KHDRBS3: variants seen among roughly 807,000 people sequenced by gnomAD.
KHDRBS3 encodes the protein KH RNA binding domain containing, signal transduction associated 3.
KHDRBS3 carries 23 observed loss-of-function variants against 45.6 expected under a neutral mutation model. The ratio of observed to expected loss-of-function variants is 0.50; its 90% confidence interval spans 0.36 to 0.72. The LOEUF is 0.72. KHDRBS3 is among the 30% of genes least tolerant of loss of function. The probability of loss-of-function intolerance (pLI) is 0.00; values close to 1 mark genes in which losing one functional copy is unlikely to be tolerated. For missense variants in KHDRBS3, 352 were observed against 424.8 expected, an observed-to-expected ratio of 0.83 and a Z score of 1.51; for synonymous variants, 162 against 156.5, an observed-to-expected ratio of 1.04 and a Z score of -0.26.
intron 7 of KHDRBS3, among the ~76,000 whole-genome samples, chr8:135,637,186 C>G (rs1181062585): frequency 6.6e-6 from 1 of 152,160 alleles, no homozygotes; most frequent in Non-Finnish European, 1.5e-5. Context: ...TGAAAGCAGA[C>G]TGGAAATTTT....
chr8:135,599,304 A>G (rs1283694205), intron 6 of KHDRBS3, among the ~76,000 whole-genome samples: 1 of 152,244 alleles, frequency 6.6e-6, no homozygotes, highest in Admixed American at 6.5e-5. Flanking sequence ...ATTTATGTTT[A>G]TAATAACTAA....
intron 1 of KHDRBS3, among the ~76,000 whole-genome samples, chr8:135,474,963 G>A (rs973860445): frequency 1.3e-5 from 2 of 152,192 alleles, no homozygotes; most frequent in African/African-American, 2.4e-5. Flanking sequence ...TCCTCGGCTT[G>A]TGGCCCCTTC....
Position 135,553,583 on chromosome 8 carries a change from C to G in KHDRBS3, c.472-3865C>G, listed in dbSNP as rs141094667. ...AGGTTACTTCTTATAGATCACAATA[C>G]AAACAGTGATCCTAGGATTAACCTT... On this transcript the variant is annotated intron_variant, in intron 4 of 8. Coordinates refer to ENST00000355849, the MANE Select transcript of KHDRBS3 (RefSeq NM_006558.3). Among the ~76,000 whole-genome samples, 24 of 152,268 alleles carry G rather than the reference C, an allele frequency of 1.6e-4. 1 individual carries two copies. The highest frequency in any genetic ancestry group is 1.2e-3 in the South Asian group (6 of 4,832).
chr8:135,458,762 ACACGACTC>A (rs1821261566), intron 1 of KHDRBS3: 1 of 421,540 alleles, frequency 2.4e-6, no homozygotes, highest in Non-Finnish European at 4.7e-6. Flanking sequence ...TGCCATTTTC[ACACGACTC>A]CAGCCAGCTC....
At chr8:135,458,168 A>C in intron 1 of KHDRBS3, 2 of 1,337,090 alleles carry the variant, frequency 1.5e-6, no homozygotes, top group Non-Finnish European at 1.9e-6. Context: ...TGGAAGGAGA[A>C]GGCTGGGGCG....
At chr8:135,542,791 C>A (rs372239932) in intron 3 of KHDRBS3, 21 bp downstream of exon 3, 1 of 1,484,612 alleles carries the variant, frequency 6.7e-7, no homozygotes. Flanking sequence ...TTATAGAAAA[C>A]GGCTAAGTTG....
rs573779134 is a variant in KHDRBS3, at chr8:135,656,105, C to T, written c.*118-121C>T. 3.9e-5 allele frequency: 6 copies of T among 152,316 alleles called. No homozygotes were observed. The East Asian group carries it at 1.2e-3, about 29-fold the overall frequency. The allele number at this position is 152,316 out of a possible 1,614,324, so 9.4% of individuals were successfully genotyped here. Reference sequence around the variant, plus strand: ...GTTTTGCATTGTTTTCCATAAACGTCCTTATTTCTATTAAGTGTCCACTTG... The same window carrying T: ...GTTTTGCATTGTTTTCCATAAACGTTCTTATTTCTATTAAGTGTCCACTTG... On this transcript the variant is annotated intron_variant and NMD_transcript_variant, in intron 4 of 4. Transcript: ENST00000521461.
intron 6 of KHDRBS3, among the ~76,000 whole-genome samples, chr8:135,582,861 A>T (rs554446077): frequency 1.1e-4 from 17 of 152,212 alleles, no homozygotes; most frequent in Non-Finnish European, 2.9e-5. Context: ...GCCTCTTTGC[A>T]TAGTTTCTAG....
intron 4 of KHDRBS3, among the ~76,000 whole-genome samples, chr8:135,554,347 C>T (rs190815647): frequency 2.4e-4 from 37 of 152,214 alleles, no homozygotes; most frequent in African/African-American, 7.5e-4. Context: ...TAGTATTACA[C>T]CTCCTAACAC....
At chr8:135,568,236 A>G (rs891962363) in intron 5 of KHDRBS3, among the ~76,000 whole-genome samples, 2 of 152,164 alleles carry the variant, frequency 1.3e-5, no homozygotes, top group African/African-American at 4.8e-5. Context: ...TAAAACCATA[A>G]CACCATTATA....
At chr8:135,563,386 C>A (rs1827255752) in intron 5 of KHDRBS3, among the ~76,000 whole-genome samples, 1 of 152,200 alleles carries the variant, frequency 6.6e-6, no homozygotes, top group Non-Finnish European at 1.5e-5. Flanking sequence ...TCCCTCTCAG[C>A]ATCGCATCCT....
chr8:135,651,615 C>T (rs938800769), downstream of KHDRBS3, among the ~76,000 whole-genome samples: 1 of 152,136 alleles, frequency 6.6e-6, no homozygotes, highest in African/African-American at 2.4e-5. Flanking sequence ...TTGGCCTACT[C>T]CATTCCCTTG....
intron 7 of KHDRBS3, among the ~76,000 whole-genome samples, chr8:135,630,772 T>G (rs1400508247): frequency 6.6e-6 from 1 of 152,036 alleles, no homozygotes; most frequent in Non-Finnish European, 1.5e-5. Flanking sequence ...AGTAAAAATA[T>G]GGTATAAAAA....
At chr8:135,642,420 G>A (rs1410871719) in intron 7 of KHDRBS3, among the ~76,000 whole-genome samples, 1 of 152,176 alleles carries the variant, frequency 6.6e-6, no homozygotes, top group African/African-American at 2.4e-5. Context: ...TAGGGCAGTG[G>A]TGTAGCTCAC....
chr8:135,591,143 A>G (rs1236010967), intron 6 of KHDRBS3, among the ~76,000 whole-genome samples: 2 of 152,228 alleles, frequency 1.3e-5, no homozygotes, highest in Non-Finnish European at 2.9e-5. Flanking sequence ...ACCTTTTCAA[A>G]GTCACACAGT....
At chr8:135,471,093 G>A (rs1332205185) in intron 1 of KHDRBS3, among the ~76,000 whole-genome samples, 4 of 152,124 alleles carry the variant, frequency 2.6e-5, no homozygotes, top group Non-Finnish European at 5.9e-5. Context: ...GGAATACTAG[G>A]CCCAGAATTG....
At chr8:135,607,358 T>C (rs939854713) in intron 7 of KHDRBS3, among the ~76,000 whole-genome samples, 6 of 152,206 alleles carry the variant, frequency 3.9e-5, no homozygotes, top group Admixed American at 2.0e-4. Flanking sequence ...CAAAATTACA[T>C]TGGAAATGTG....
chr8:135,492,858 G>A lies in KHDRBS3; in HGVS notation c.89-28379G>A, dbSNP rs528416406. On this transcript the variant is annotated intron_variant, in intron 1 of 8. Coordinates refer to ENST00000355849, the MANE Select transcript of KHDRBS3 (RefSeq NM_006558.3). ...CAGCTTACTGATTTCTGCAAAAACA[G>A]TCTACTGTGCTTTTGATAGGGATTG... 1.2e-4 allele frequency among the ~76,000 whole-genome samples: 18 copies of A among 152,264 alleles called. 1 individual carries two copies. The highest frequency in any genetic ancestry group is 9.7e-4 in the East Asian group (5 of 5,178).
At chr8:135,569,921 A>C (rs1483310321) in intron 5 of KHDRBS3, among the ~76,000 whole-genome samples, 1 of 151,328 alleles carries the variant, frequency 6.6e-6, no homozygotes, top group Non-Finnish European at 1.5e-5. Context: ...ACAGTTTTTT[A>C]AGAAGAAAGA....
Sources: gnomAD v4.1 joint callset for allele counts (sites outside exome capture counted in the v4.1 genomes callset) on GRCh38, gnomAD v4.1.1 for gene constraint, MANE v1.5 for transcripts, NCBI Gene and HGNC (gene_info 2026-07-23, HGNC 2026-07-21) for gene names.